Variants in BRF1 observed in about 807,000 individuals in gnomAD.
BRF1 encodes transcription factor IIIB 90 kDa subunit.
BRF1 carries 59 observed loss-of-function variants against 81.7 expected under a neutral mutation model. The ratio of observed to expected loss-of-function variants is 0.72; its 90% CI spans 0.59 to 0.90. The LOEUF is 0.90. BRF1 is among the 40% of genes least tolerant of loss of function. The pLI is 0.00. For synonymous variants in BRF1, 491 were observed against 395.6 expected (o/e 1.24, Z -2.86); for missense variants, 1,050 against 936.3 (o/e 1.12, Z -1.58).
chr14:105,277,678 T>A (rs2056903223), intron 2 of BRF1, among the ~76,000 whole-genome samples: 1 of 152,226 alleles, frequency 6.6e-6, no homozygotes, highest in Non-Finnish European at 1.5e-5. Flanking sequence ...GCCTTTCTGG[T>A]CTATGGTGTT....
chr14:105,260,031 G>A (rs587613628), intron 3 of BRF1, among the ~76,000 whole-genome samples: 2 of 152,314 alleles, frequency 1.3e-5, no homozygotes, highest in South Asian at 2.1e-4. Context: ...TGCCTTTTGC[G>A]GGGCTGGGAC....
chr14:105,209,847 A>C lies in BRF1; in HGVS notation c.*704T>G, dbSNP rs8013180. ...CAGCCGCAGGGCTCCTGGGCCCACA[A>C]CTCAAGTGGCCCTGGAGCAGGGGTC... On this transcript the variant is annotated 3_prime_UTR_variant, in exon 18 of 18. Transcript: ENST00000547530. 4 of 478,116 alleles carry C rather than the reference A, an allele frequency of 8.4e-6. No individual in the cohort carries two copies. Among genetic ancestry groups the C allele is most frequent in the Admixed American group, 3.9e-5 (1 of 25,928 alleles). 29.6% of individuals were successfully genotyped at this position (478,116 alleles called of 1,614,324 possible).
intron 4 of BRF1, among the ~76,000 whole-genome samples, chr14:105,253,151 G>C (rs1041298803): frequency 1.3e-5 from 2 of 152,240 alleles, no homozygotes; most frequent in Middle Eastern, 3.2e-3. Context: ...CAACGCCGAG[G>C]GCTGGCAGTG....
At chr14:105,215,430 G>C (rs1028611233) in intron 15 of BRF1, among the ~76,000 whole-genome samples, 1 of 150,504 alleles carries the variant, frequency 6.6e-6, no homozygotes, top group Non-Finnish European at 1.5e-5. Flanking sequence ...ACTATGTGCA[G>C]TCACAGATAC....
chr14:105,286,635 T>G (rs2057325690), intron 1 of BRF1, among the ~76,000 whole-genome samples: 1 of 151,934 alleles, frequency 6.6e-6, no homozygotes, highest in Admixed American at 6.6e-5. Context: ...AGACGGAGTC[T>G]CCCTCTGTTG....
At chr14:105,252,475 C>G (rs368101109) in intron 5 of BRF1, 32 bp downstream of exon 5, 2 of 1,608,166 alleles carry the variant, frequency 1.2e-6, no homozygotes, top group African/African-American at 2.7e-5. Context: ...AGCAGCCTGC[C>G]GGACACCCCA....
chr14:105,294,119 G>A (rs2057633921), intron 1 of BRF1, among the ~76,000 whole-genome samples: 1 of 152,178 alleles, frequency 6.6e-6, no homozygotes, highest in Non-Finnish European at 1.5e-5. Context: ...CTGCCTGGGA[G>A]ACAGAGGGGC....
At chr14:105,217,840 C>G in intron 14 of BRF1, 40 bp from the exon 15 acceptor site, 1 of 1,597,720 alleles carries the variant, frequency 6.3e-7, no homozygotes, top group South Asian at 1.1e-5. Context: ...GTGAGTCACG[C>G]CCACTGCACT....
chr14:105,300,366 G>A, intron 1 of BRF1, 80 bp downstream of exon 1: 3 of 1,364,848 alleles, frequency 2.2e-6, no homozygotes, highest in Non-Finnish European at 2.8e-6. Context: ...CGAGGCGCTG[G>A]TCCCGGCCGC....
chr14:105,249,992 T>C, intron 5 of BRF1: 2 of 1,612,548 alleles, frequency 1.2e-6, no homozygotes, highest in Non-Finnish European at 1.7e-6. Flanking sequence ...CGAGGCGGAG[T>C]GCAAGAGGCA....
rs147279667 is a variant in BRF1 at position 105,240,964 on chromosome 14, G to A, written c.694+301C>T. ...GTCCGCGTCAGAAGCCGGGCCCCAC[G>A]AGACCACGGGCAGGGATGCCCATGC... On this transcript the variant is annotated intron_variant, in intron 6 of 17. Transcript: ENST00000547530. 4.7e-3 allele frequency among the ~76,000 whole-genome samples: 707 copies of A among 151,474 alleles called. 4 individuals are homozygous for A. Among genetic ancestry groups the A allele is most frequent in the African/African-American group, 0.014 (588 of 41,500 alleles).
rs1177924302 is a variant in BRF1, at chr14:105,229,791, T to C, written c.695-878A>G. On this transcript the variant is annotated intron_variant, in intron 6 of 17. Transcript: ENST00000547530. ...TGTGGCACCCTCAGGAGCAACAACCTAGCATCTCAGGAGAGAGAGGCCACA... is the reference window on the plus strand; with the variant it reads ...TGTGGCACCCTCAGGAGCAACAACCCAGCATCTCAGGAGAGAGAGGCCACA... Among the ~76,000 whole-genome samples, 5 of 2,794 alleles carry C rather than the reference T, an allele frequency of 1.8e-3. 1 individual carries two copies. The highest frequency in any genetic ancestry group is 7.2e-3 in the African/African-American group (5 of 694). 1.8% of individuals were successfully genotyped at this position (2,794 alleles called of 152,430 possible).
At chr14:105,215,693 A>G (rs1891056558) in intron 15 of BRF1, among the ~76,000 whole-genome samples, 1 of 145,862 alleles carries the variant, frequency 6.9e-6, no homozygotes, top group African/African-American at 2.6e-5. Flanking sequence ...ATGCACACAA[A>G]TACTGCATGC....
At chr14:105,252,919 C>G (rs2055689233) in intron 4 of BRF1, among the ~76,000 whole-genome samples, 1 of 152,244 alleles carries the variant, frequency 6.6e-6, no homozygotes, top group African/African-American at 2.4e-5. Flanking sequence ...AAAACCAGTT[C>G]TGTCCACATG....
intron 1 of BRF1, chr14:105,314,671 GGCGCCGGGCGC>G (rs1285294188): frequency 1.4e-5 from 2 of 143,044 alleles, no homozygotes; most frequent in Non-Finnish European, 3.1e-5. Flanking sequence ...CGGGTCGGAG[GGCGCCGGGCGC>G]GCGCGGGGCG....
Position 105,245,338 on chromosome 14 carries a change from G to A in BRF1, c.545-3924C>T, listed in dbSNP as rs1463318092. The stretch of plus-strand genomic sequence containing the variant: ...ATCGTGCCACTGCACTCCAGCCTGA[G>A]TGACAGAGCAAGACTCCATCTCAAA... On this transcript the variant is annotated intron_variant, in intron 5 of 17. Coordinates refer to ENST00000547530, the MANE Select transcript of BRF1 (RefSeq NM_001519.4). Among the ~76,000 whole-genome samples, 4 of 152,064 alleles carry A rather than the reference G, an allele frequency of 2.6e-5. No homozygotes were observed. In the East Asian group the frequency reaches 7.7e-4, roughly 29 times the overall value.
rs1399833815 is a variant in BRF1, at chr14:105,300,588, G to A, written c.42C>T (p.Ile14=). The A allele has an allele frequency of 3.4e-6, 5 of 1,465,990 alleles. No homozygotes were observed. Among genetic ancestry groups the A allele is most frequent in the Non-Finnish European group, 4.5e-6 (5 of 1,112,358 alleles). The allele number at this position is 1,465,990 out of a possible 1,614,324, so 90.8% of individuals were successfully genotyped here. The change falls in exon 1 of 18, where the codon ATC becomes ATT. Residue 14 remains isoleucine, a synonymous_variant. Transcript: ENST00000547530. The stretch of plus-strand genomic sequence containing the variant: ...CGTCCCCGCGCGCCGCGTCCAGCTC[G>A]ATGTCCGTGCCGCCGCAACCGCGGC... ...RVCRGCGGTD[I]ELDAARGDAV...
chr14:105,226,399 G>A, intron 8 of BRF1, 109 bp from the exon 9 acceptor site: 3 of 1,508,702 alleles, frequency 2.0e-6, no homozygotes, highest in Non-Finnish European at 2.8e-6. Flanking sequence ...GAACTTAGGG[G>A]TACGCAGCGA....
intron 5 of BRF1, among the ~76,000 whole-genome samples, chr14:105,246,308 ATTAT>A (rs1450589358): frequency 1.3e-5 from 2 of 152,130 alleles, no homozygotes; most frequent in African/African-American, 4.8e-5. Flanking sequence ...GGTCAACATC[ATTAT>A]TTATCAGGGA....
Sources: allele counts gnomAD v4.1 joint callset (sites outside exome capture counted in the v4.1 genomes callset), GRCh38; gene constraint gnomAD v4.1.1; transcripts MANE v1.5; gene names NCBI Gene and HGNC (gene_info 2026-07-23, HGNC 2026-07-21).